The following TMEM38B variants were observed in gnomAD, a reference collection of about 807,000 sequenced individuals.
TMEM38B encodes the protein trimeric intracellular cation channel type B.
In TMEM38B, 24 loss-of-function variants were observed where a neutral mutation model predicts 28.7. The ratio of observed to expected loss-of-function variants is 0.84; its 90% CI spans 0.61 to 1.18. TMEM38B has a LOEUF of 1.18. Ranked by LOEUF, TMEM38B falls within the 50% of genes most tolerant of loss-of-function variation. The pLI, the probability that TMEM38B is intolerant of heterozygous loss-of-function variation, is 0.00. For synonymous variants in TMEM38B, 131 were observed against 127.7 expected, an observed-to-expected ratio of 1.03 and a Z score of -0.17; for missense variants, 380 against 350.9, an observed-to-expected ratio of 1.08 and a Z score of -0.66.
At position 105,763,160 on chromosome 9, in the gene TMEM38B, C is replaced by T. The variant is rs1838128251; in HGVS notation, c.661-10705C>T. Among the ~76,000 whole-genome samples the T allele has an allele frequency of 2.0e-5, 3 of 150,702 alleles. No individual in the cohort carries two copies. In the South Asian group the frequency reaches 6.3e-4, roughly 32 times the overall value. The stretch of plus-strand genomic sequence containing the variant: ...TTCATTGTAGATTCTGGATATTAGC[C>T]CTTTGTCAGATGAGTAGGTTGTGAA... On this transcript the variant is annotated intron_variant, in intron 5 of 5. Transcript: ENST00000374692.
chr9:105,736,510 G>A (rs1024963048), intron 4 of TMEM38B, among the ~76,000 whole-genome samples: 2 of 151,814 alleles, frequency 1.3e-5, no homozygotes, highest in Non-Finnish European at 2.9e-5. Context: ...TCGTTTTCCT[G>A]GTTTTGTTGA....
chr9:105,704,182 T>G (rs1211283404), intron 1 of TMEM38B, among the ~76,000 whole-genome samples: 1 of 151,972 alleles, frequency 6.6e-6, no homozygotes, highest in African/African-American at 2.4e-5. Flanking sequence ...TGTATACATA[T>G]GTAACTAACC....
At chr9:105,740,671 A>C (rs1289773353) in intron 4 of TMEM38B, among the ~76,000 whole-genome samples, 1 of 152,158 alleles carries the variant, frequency 6.6e-6, no homozygotes, top group Non-Finnish European at 1.5e-5. Flanking sequence ...CCTGCCAAAA[A>C]CGAAGTCAAG....
At chr9:105,699,728 A>AT (rs3838843) in intron 1 of TMEM38B, among the ~76,000 whole-genome samples, 65,106 of 151,982 alleles carry the variant, frequency 0.43, 16,081 homozygotes, top group African/African-American at 0.68. Flanking sequence ...AGTGGGATTA[A>AT]TTTTTTCTTT....
intron 5 of TMEM38B, chr9:105,758,238 A>G: frequency 1.5e-6 from 1 of 661,718 alleles, no homozygotes; most frequent in Non-Finnish European, 2.7e-6. Flanking sequence ...GGCATGTATT[A>G]TTCGTCCTAC....
intron 4 of TMEM38B, among the ~76,000 whole-genome samples, chr9:105,733,249 T>C (rs1449333829): frequency 6.6e-6 from 1 of 152,144 alleles, no homozygotes; most frequent in African/African-American, 2.4e-5. Context: ...ATCTATTAGG[T>C]CTGCTCAGCT....
intron 5 of TMEM38B, among the ~76,000 whole-genome samples, chr9:105,753,077 G>A (rs1427872536): frequency 1.3e-5 from 2 of 152,180 alleles, no homozygotes; most frequent in Admixed American, 6.5e-5. Context: ...CTCAGAGCTT[G>A]AAGACTATCT....
rs576612626 is a variant in TMEM38B, at chr9:105,718,308, A to G, written c.270-3229A>G. On this transcript the variant is annotated intron_variant, in intron 2 of 5. Coordinates refer to ENST00000374692, the MANE Select transcript of TMEM38B (RefSeq NM_018112.3). ...GGCTGGAGTGCAATGGCACGATCTC[A>G]GCTCACTGCAACCTCCGCCTCCTGG... 1.0e-4 allele frequency among the ~76,000 whole-genome samples: 15 copies of G among 150,742 alleles called. No individual in the cohort carries two copies. In the East Asian group the frequency reaches 2.9e-3, roughly 29 times the overall value.
chr9:105,727,802 C>A (rs966072249), intron 4 of TMEM38B, among the ~76,000 whole-genome samples: 2 of 151,952 alleles, frequency 1.3e-5, no homozygotes, highest in Non-Finnish European at 2.9e-5. Context: ...GGGGGTGGAT[C>A]CCTCATGAAT....
At chr9:105,742,841 T>A (rs958447264) in intron 4 of TMEM38B, among the ~76,000 whole-genome samples, 5 of 152,234 alleles carry the variant, frequency 3.3e-5, no homozygotes, top group South Asian at 2.1e-4. Context: ...CTTATCCTTT[T>A]AAATTTTTAA....
intron 2 of TMEM38B, among the ~76,000 whole-genome samples, chr9:105,713,716 G>GGA (rs553957639): frequency 5.8e-4 from 88 of 152,322 alleles, no homozygotes; most frequent in African/African-American, 2.0e-3. Context: ...TCTGAAGCCT[G>GGA]GAGCTGGGCT....
chr9:105,737,164 A>G (rs570508173), intron 4 of TMEM38B, among the ~76,000 whole-genome samples: 9 of 152,168 alleles, frequency 5.9e-5, no homozygotes, highest in Admixed American at 2.0e-4. Flanking sequence ...CATTTACTCT[A>G]TGAGGTCAGA....
At chr9:105,762,408 TC>T (rs1386426180) in intron 5 of TMEM38B, among the ~76,000 whole-genome samples, 2 of 79,684 alleles carry the variant, frequency 2.5e-5, no homozygotes, top group African/African-American at 5.1e-5. Flanking sequence ...CCCTCCCCCC[TC>T]CCCCCACCCC....
chr9:105,747,706 G>A (rs568418192), intron 4 of TMEM38B, among the ~76,000 whole-genome samples: 1 of 151,456 alleles, frequency 6.6e-6, no homozygotes, highest in East Asian at 1.9e-4. Context: ...TTTCTCTTGT[G>A]GGCACCTAGT....
intron 1 of TMEM38B, among the ~76,000 whole-genome samples, chr9:105,705,207 A>T (rs937669638): frequency 6.6e-6 from 1 of 152,072 alleles, no homozygotes; most frequent in Non-Finnish European, 1.5e-5. Context: ...TTATTTTCCA[A>T]TATACTTAAG....
At chr9:105,721,762 G>A (rs758844764) in intron 3 of TMEM38B, 41 bp downstream of exon 3, 1 of 1,470,410 alleles carries the variant, frequency 6.8e-7, no homozygotes, top group Non-Finnish European at 9.4e-7. Flanking sequence ...TCTGTTGTTG[G>A]TGTATTATTA....
intron 5 of TMEM38B, among the ~76,000 whole-genome samples, chr9:105,771,925 C>G (rs556596826): frequency 4.5e-4 from 68 of 152,194 alleles, no homozygotes; most frequent in Non-Finnish European, 7.3e-4. Flanking sequence ...AGTCTGTAAG[C>G]TCCTTGAGGG....
chr9:105,766,730 CT>C (rs1252473976), intron 5 of TMEM38B, among the ~76,000 whole-genome samples: 4 of 150,968 alleles, frequency 2.6e-5, no homozygotes, highest in African/African-American at 4.9e-5. Flanking sequence ...ATAATTTTTG[CT>C]TTTTTTTCTG....
intron 4 of TMEM38B, among the ~76,000 whole-genome samples, chr9:105,730,665 G>A (rs908980198): frequency 3.9e-5 from 6 of 152,166 alleles, no homozygotes; most frequent in Non-Finnish European, 8.8e-5. Context: ...TATACCTCCT[G>A]TAGAATTTGG....
Sources: allele counts gnomAD v4.1 joint callset (sites outside exome capture counted in the v4.1 genomes callset), GRCh38; gene constraint gnomAD v4.1.1; transcripts MANE v1.5; gene names NCBI Gene and HGNC (gene_info 2026-07-23, HGNC 2026-07-21).